The following DPP10 variants were observed in gnomAD, a reference collection of about 807,000 sequenced individuals.
DPP10 encodes inactive dipeptidyl peptidase 10.
DPP10 carries 33 observed loss-of-function variants against 120.9 expected under a neutral mutation model. That is an observed-to-expected ratio of 0.27 (90% CI 0.21 to 0.37). The LOEUF is 0.37. DPP10 is among the 10% of genes least tolerant of loss of function. DPP10 has a pLI of 1.00. For synonymous variants in DPP10, 337 were observed against 326.1 expected, an observed-to-expected ratio of 1.03 and a Z score of -0.36; for missense variants, 816 against 942.8, an observed-to-expected ratio of 0.87 and a Z score of 1.76.
At chr2:114,725,885 A>C (rs1167149324) in intron 1 of DPP10, among the ~76,000 whole-genome samples, 1 of 152,144 alleles carries the variant, frequency 6.6e-6, no homozygotes, top group Non-Finnish European at 1.5e-5. Context: ...ACAAACCAAA[A>C]CATTTTAGAG....
intron 1 of DPP10, among the ~76,000 whole-genome samples, chr2:115,073,680 G>C (rs77306138): frequency 0.037 from 5,648 of 152,260 alleles, 191 homozygotes; most frequent in African/African-American, 0.093. Flanking sequence ...ATTTACTACT[G>C]AGATACTTAG....
intron 1 of DPP10, among the ~76,000 whole-genome samples, chr2:115,136,233 C>T (rs2050645725): frequency 6.6e-6 from 1 of 152,056 alleles, no homozygotes; most frequent in Non-Finnish European, 1.5e-5. Context: ...TCTCTGCATA[C>T]TCAATCTTTC....
At chr2:114,590,087 C>T (rs1049929986) in intron 1 of DPP10, among the ~76,000 whole-genome samples, 8 of 151,910 alleles carry the variant, frequency 5.3e-5, no homozygotes, top group African/African-American at 1.9e-4. Flanking sequence ...AATGTATGTG[C>T]ATATATATGT....
At chr2:114,469,752 A>G (rs1481861421) in intron 1 of DPP10, among the ~76,000 whole-genome samples, 1 of 152,160 alleles carries the variant, frequency 6.6e-6, no homozygotes, top group Non-Finnish European at 1.5e-5. Context: ...TACCAAATAT[A>G]TGTATATTGA....
At chr2:115,552,464 C>A (rs2079935317) in intron 5 of DPP10, among the ~76,000 whole-genome samples, 1 of 152,016 alleles carries the variant, frequency 6.6e-6, no homozygotes. Context: ...TATTATCAAA[C>A]CAATCAATAT....
chr2:115,388,128 G>T (rs900350872), intron 3 of DPP10, among the ~76,000 whole-genome samples: 1 of 152,188 alleles, frequency 6.6e-6, no homozygotes, highest in East Asian at 1.9e-4. Context: ...CAGAAGAAGC[G>T]ATTGAAAATG....
chr2:115,100,495 A>C (rs1030307826), intron 1 of DPP10, among the ~76,000 whole-genome samples: 2 of 152,044 alleles, frequency 1.3e-5, no homozygotes, highest in Non-Finnish European at 2.9e-5. Context: ...AAATATATAT[A>C]AAGGAATATA....
chr2:114,879,542 C>T (rs959534997), intron 1 of DPP10, among the ~76,000 whole-genome samples: 2 of 152,050 alleles, frequency 1.3e-5, no homozygotes, highest in Non-Finnish European at 2.9e-5. Context: ...GCAAACAGTG[C>T]ACAATTTTCG....
chr2:115,819,606 C>A (rs1421475677), intron 21 of DPP10, among the ~76,000 whole-genome samples: 1 of 151,986 alleles, frequency 6.6e-6, no homozygotes, highest in Non-Finnish European at 1.5e-5. Flanking sequence ...TACCTTCTTG[C>A]CATTATTATT....
intron 8 of DPP10, among the ~76,000 whole-genome samples, chr2:115,729,188 T>C (rs1300333464): frequency 1.3e-5 from 2 of 152,186 alleles, no homozygotes; most frequent in Non-Finnish European, 2.9e-5. Flanking sequence ...AAGAGATACA[T>C]TACTGGAGGG....
At chr2:114,702,462 A>G (rs559494069) in intron 1 of DPP10, among the ~76,000 whole-genome samples, 18 of 152,118 alleles carry the variant, frequency 1.2e-4, no homozygotes, top group African/African-American at 4.1e-4. Context: ...CTCTCTGGAA[A>G]TGGACCTGCA....
rs762990567 is a variant in DPP10 at position 115,301,062 on chromosome 2, G to A, written c.61-8177G>A. Among the ~76,000 whole-genome samples the A allele has an allele frequency of 1.0e-3, 157 of 152,004 alleles. 1 individual carries two copies. Among genetic ancestry groups the A allele is most frequent in the Middle Eastern group, 3.2e-3 (1 of 316 alleles). ...CTGTGTCTTCCCTGGGCCTGTGTGT[G>A]TGGTGTTCTCTCCCAATTTCCCCAT... On this transcript the variant is annotated intron_variant, in intron 1 of 25. Transcript: ENST00000410059.
intron 1 of DPP10, among the ~76,000 whole-genome samples, chr2:115,156,460 T>A (rs1020902366): frequency 6.6e-6 from 1 of 152,202 alleles, no homozygotes; most frequent in Non-Finnish European, 1.5e-5. Flanking sequence ...TAAAAACAAA[T>A]TGAACATTGT....
chr2:115,239,926 A>G (rs566846060), intron 1 of DPP10, among the ~76,000 whole-genome samples: 1 of 152,340 alleles, frequency 6.6e-6, no homozygotes, highest in Admixed American at 6.5e-5. Flanking sequence ...TGCAAAGGAC[A>G]TGAACTCATC....
At chr2:114,926,868 T>C (rs1695669584) in intron 1 of DPP10, among the ~76,000 whole-genome samples, 1 of 150,878 alleles carries the variant, frequency 6.6e-6, no homozygotes, top group African/African-American at 2.4e-5. Flanking sequence ...TTTTTTTTTT[T>C]GAGACAGAGT....
intron 3 of DPP10, among the ~76,000 whole-genome samples, chr2:115,350,195 A>G (rs1333454613): frequency 6.6e-6 from 1 of 152,128 alleles, no homozygotes; most frequent in African/African-American, 2.4e-5. Context: ...TATTAGTGAC[A>G]TTGAAATATG....
rs185196314 is a variant in DPP10, at chr2:114,677,729, A to G, written c.60+234891A>G. ...GTGTTTGTTTCTCTACACGCTGCAGATAACAATTTTGAATGCATTAGATGA... is the reference window on the plus strand; with the variant it reads ...GTGTTTGTTTCTCTACACGCTGCAGGTAACAATTTTGAATGCATTAGATGA... On this transcript the variant is annotated intron_variant, in intron 1 of 25. Transcript: ENST00000410059. Among the ~76,000 whole-genome samples, 14 of 152,280 alleles carry G rather than the reference A, an allele frequency of 9.2e-5. 1 individual carries two copies. The Middle Eastern group carries it at 0.017, about 185-fold the overall frequency.
intron 5 of DPP10, among the ~76,000 whole-genome samples, chr2:115,656,607 A>C (rs866012419): frequency 1.3e-5 from 2 of 151,684 alleles, no homozygotes; most frequent in African/African-American, 4.8e-5. Flanking sequence ...ACTCTTGGCT[A>C]TGATTAGAGA....
In DPP10 at chr2:114,727,042, C is replaced by T. The variant is rs75329276; in HGVS notation, c.60+284204C>T. 7.9e-3 allele frequency among the ~76,000 whole-genome samples: 1,203 copies of T among 152,254 alleles called. 15 individuals carry two copies. Among genetic ancestry groups the T allele is most frequent in the African/African-American group, 0.027 (1,132 of 41,538 alleles). ...GGAAGAAATTCAAATGTTTGGATCC[C>T]AATTTTCCCAGCATCATCCTTTTCA... On this transcript the variant is annotated intron_variant, in intron 1 of 25. Coordinates refer to ENST00000410059, the MANE Select transcript of DPP10 (RefSeq NM_020868.6).
Sources: allele counts gnomAD v4.1 joint callset (sites outside exome capture counted in the v4.1 genomes callset), GRCh38; gene constraint gnomAD v4.1.1; transcripts MANE v1.5; gene names NCBI Gene and HGNC (gene_info 2026-07-23, HGNC 2026-07-21).